Variants in SPAG16 observed in about 807,000 individuals in gnomAD.
The protein encoded by SPAG16 is sperm-associated antigen 16 protein.
In SPAG16, 86 loss-of-function variants were observed where a neutral mutation model predicts 80.4. That is an observed-to-expected ratio of 1.07 (90% confidence interval 0.90 to 1.28). The LOEUF (loss-of-function observed/expected upper bound fraction) is 1.28. Among genes scored for constraint, SPAG16 ranks in the 50% most tolerant of loss-of-function variants. The pLI is 0.00. For missense variants in SPAG16, 870 were observed against 765.3 expected (o/e 1.14, Z -1.61); for synonymous variants, 294 against 265.9 (o/e 1.11, Z -1.03).
Position 213,856,123 on chromosome 2 carries a change from T to C in SPAG16, c.1071-6362T>C, listed in dbSNP as rs139949954. On this transcript the variant is annotated intron_variant, in intron 10 of 15. Transcript: ENST00000331683. The stretch of plus-strand genomic sequence containing the variant: ...TACAGGCAGTTGGTAAATATACCCA[T>C]TCCAAATGGGAGAAATTGGCCAAAA... Among the ~76,000 whole-genome samples the C allele has an allele frequency of 1.6e-3, 247 of 152,302 alleles. 1 individual carries two copies. Among genetic ancestry groups the C allele is most frequent in the African/African-American group, 5.2e-3 (217 of 41,568 alleles).
At chr2:213,685,405 A>G (rs2064616255) in intron 10 of SPAG16, among the ~76,000 whole-genome samples, 1 of 152,260 alleles carries the variant, frequency 6.6e-6, no homozygotes, top group Admixed American at 6.5e-5. Context: ...TGAGGTTACC[A>G]GAAGCCAGGA....
intron 9 of SPAG16, among the ~76,000 whole-genome samples, chr2:213,431,402 G>GTAA (rs2070287466): frequency 6.6e-6 from 1 of 151,086 alleles, no homozygotes; most frequent in Admixed American, 6.6e-5. Flanking sequence ...CTGCTTACTG[G>GTAA]TAAAAAAAAA....
intron 10 of SPAG16, among the ~76,000 whole-genome samples, chr2:213,749,105 CCACTGTACTA>C (rs1270760020): frequency 6.6e-6 from 1 of 152,042 alleles, no homozygotes; most frequent in African/African-American, 2.4e-5. Flanking sequence ...CGAGATCGCG[CCACTGTACTA>C]CACCCTGGGT....
At chr2:213,295,521 G>A (rs1034251657) in intron 1 of SPAG16, among the ~76,000 whole-genome samples, 5 of 151,970 alleles carry the variant, frequency 3.3e-5, no homozygotes, top group Non-Finnish European at 7.4e-5. Context: ...ACATGGAAAA[G>A]TAAAATTTAA....
chr2:214,255,088 A>T (rs1225627627), intron 15 of SPAG16, among the ~76,000 whole-genome samples: 1 of 152,066 alleles, frequency 6.6e-6, no homozygotes, highest in African/African-American at 2.4e-5. Flanking sequence ...ACCAATGCTT[A>T]TTATCATTGT....
intron 10 of SPAG16, among the ~76,000 whole-genome samples, chr2:213,530,184 T>C (rs753896662): frequency 6.6e-6 from 1 of 152,208 alleles, no homozygotes; most frequent in Non-Finnish European, 1.5e-5. Context: ...AAGTAAATAA[T>C]AAATATATAA....
chr2:213,965,036 A>G (rs1160679230), intron 12 of SPAG16, among the ~76,000 whole-genome samples: 1 of 152,154 alleles, frequency 6.6e-6, no homozygotes, highest in Non-Finnish European at 1.5e-5. Context: ...ACATTTTAGA[A>G]AATACAATGC....
chr2:214,261,394 T>G (rs1300714213), intron 15 of SPAG16, among the ~76,000 whole-genome samples: 1 of 152,106 alleles, frequency 6.6e-6, no homozygotes, highest in East Asian at 1.9e-4. Context: ...GTCTGGCGGC[T>G]AAGAAAGCTC....
chr2:214,259,442 T>C (rs1690958069), intron 15 of SPAG16, among the ~76,000 whole-genome samples: 1 of 149,694 alleles, frequency 6.7e-6, no homozygotes, highest in East Asian at 2.0e-4. Flanking sequence ...TATACACATA[T>C]AGAAATAAAT....
At chr2:213,360,696 T>C (rs1044750513) in intron 7 of SPAG16, among the ~76,000 whole-genome samples, 7 of 152,204 alleles carry the variant, frequency 4.6e-5, no homozygotes, top group African/African-American at 1.7e-4. Context: ...ATTGAACATA[T>C]TAGTAGTGTG....
chr2:213,625,572 C>G (rs375557647), intron 10 of SPAG16, among the ~76,000 whole-genome samples: 1 of 152,252 alleles, frequency 6.6e-6, no homozygotes, highest in African/African-American at 2.4e-5. Flanking sequence ...CTATTTTATA[C>G]TTAGTTTTTT....
intron 6 of SPAG16, among the ~76,000 whole-genome samples, chr2:213,347,077 T>C (rs1318448187): frequency 6.6e-6 from 1 of 152,222 alleles, no homozygotes; most frequent in Non-Finnish European, 1.5e-5. Context: ...GCAATTGGTC[T>C]ATTCAGAGAT....
intron 10 of SPAG16, among the ~76,000 whole-genome samples, chr2:213,742,822 T>G (rs1251135307): frequency 6.6e-6 from 1 of 152,120 alleles, no homozygotes; most frequent in Non-Finnish European, 1.5e-5. Context: ...CAAGTAATCC[T>G]GAGTAGCTGG....
intron 11 of SPAG16, among the ~76,000 whole-genome samples, chr2:213,928,251 ATT>A (rs566334387): frequency 1.4e-5 from 2 of 144,090 alleles, no homozygotes; most frequent in Non-Finnish European, 1.5e-5. Flanking sequence ...TGCCTGGCTA[ATT>A]TTTTTTTTTT....
At chr2:213,496,098 A>C (rs1056930525) in intron 10 of SPAG16, among the ~76,000 whole-genome samples, 2 of 152,206 alleles carry the variant, frequency 1.3e-5, no homozygotes, top group African/African-American at 4.8e-5. Context: ...AGGAAATTAT[A>C]CTGTTATAGG....
chr2:214,028,665 T>C (rs2048257631), intron 13 of SPAG16, among the ~76,000 whole-genome samples: 1 of 152,094 alleles, frequency 6.6e-6, no homozygotes, highest in African/African-American at 2.4e-5. Flanking sequence ...ATCTTCTGTA[T>C]TTCTGATATA....
intron 7 of SPAG16, among the ~76,000 whole-genome samples, chr2:213,357,996 T>C (rs1315429836): frequency 6.6e-6 from 1 of 152,210 alleles, no homozygotes; most frequent in African/African-American, 2.4e-5. Context: ...TGAAGGATTT[T>C]ATTTCTCCTT....
chr2:214,125,593 G>T (rs1486367761), intron 14 of SPAG16, among the ~76,000 whole-genome samples: 2 of 151,548 alleles, frequency 1.3e-5, no homozygotes, highest in East Asian at 1.9e-4. Context: ...TCTTAAAAAG[G>T]CTCTACATTT....
intron 10 of SPAG16, among the ~76,000 whole-genome samples, chr2:213,679,902 AT>A (rs1375029578): frequency 6.6e-6 from 1 of 152,176 alleles, no homozygotes. Context: ...TTAATAATCT[AT>A]TCACCAATTT....
Sources: allele counts gnomAD v4.1 joint callset (sites outside exome capture counted in the v4.1 genomes callset), GRCh38; gene constraint gnomAD v4.1.1; transcripts MANE v1.5; gene names NCBI Gene and HGNC (gene_info 2026-07-23, HGNC 2026-07-21).